Variants in NUDT6 observed in about 807,000 individuals in gnomAD.
The protein encoded by NUDT6 is FAD diphosphatase NUDT6.
In NUDT6, 24 loss-of-function variants were observed where a neutral mutation model predicts 36.8. That is an observed-to-expected ratio of 0.65 (90% CI 0.47 to 0.92). The LOEUF (loss-of-function observed/expected upper bound fraction) is 0.92. Ranked by LOEUF, NUDT6 falls within the 40% of genes least tolerant of loss-of-function variation. NUDT6 has a pLI of 0.00. For missense variants in NUDT6, 388 were observed against 392.8 expected, an observed-to-expected ratio of 0.99 and a Z score of 0.10; for synonymous variants, 163 against 157.0, an observed-to-expected ratio of 1.04 and a Z score of -0.29.
intron 1 of NUDT6, chr4:122,921,254 G>A (rs1030261758): frequency 3.3e-5 from 5 of 152,148 alleles, no homozygotes; most frequent in African/African-American, 1.2e-4. Flanking sequence ...GTATACAAAT[G>A]TGACACTCTG....
rs947594362 is a variant in NUDT6, at chr4:122,918,085, T to C, written c.239-381A>G. ...TCCTTAGGTTTAATCTTAAAGACAA[T>C]TATGGACTTCTATTTTTTTCTTCCT... On this transcript the variant is annotated intron_variant, in intron 1 of 4. Coordinates refer to ENST00000304430, the MANE Select transcript of NUDT6 (RefSeq NM_007083.5). 1.7e-5 allele frequency: 3 copies of C among 173,166 alleles called. No homozygotes were observed. In the South Asian group the frequency reaches 4.2e-4, roughly 24 times the overall value. The allele number at this position is 173,166 out of a possible 1,614,324, so 10.7% of individuals were successfully genotyped here.
intron 4 of NUDT6, chr4:122,897,405 G>A: frequency 1.8e-6 from 1 of 548,622 alleles, no homozygotes; most frequent in East Asian, 3.2e-5. Flanking sequence ...AGAATAGGTG[G>A]TATGTTCCTA....
At chr4:122,903,948 T>C (rs1216518438) in intron 3 of NUDT6, among the ~76,000 whole-genome samples, 9 of 152,190 alleles carry the variant, frequency 5.9e-5, no homozygotes, top group Admixed American at 5.9e-4. Context: ...AGCAAGAGGT[T>C]TGAGTTTTAA....
In NUDT6 at chr4:122,893,148, G is replaced by C; in HGVS notation, c.631C>G (p.Gln211Glu). 6.2e-7 allele frequency: 1 copy of C among 1,614,160 alleles called. No homozygotes were observed. The highest frequency in any genetic ancestry group is 8.5e-7 in the Non-Finnish European group (1 of 1,180,028). ...CCAAAAGCTCCAGGATTTGTGTGCT[G>C]TTGCCGAATACTCAGGACGGACCTG... ...EFRSVLSIRQ[Q>E]HTNPGAFGKS... Residue 211 changes from glutamine to glutamate, a missense_variant, in exon 5 of 5, where the codon CAG becomes GAG. Physicochemically the swap from Gln to Glu is conservative, Grantham distance 29. Coordinates refer to ENST00000304430, the MANE Select transcript of NUDT6 (RefSeq NM_007083.5).
intron 3 of NUDT6, among the ~76,000 whole-genome samples, chr4:122,900,057 A>ACACCCCCCCCCC (rs376050692): frequency 1.0e-4 from 9 of 88,716 alleles, no homozygotes; most frequent in Non-Finnish European, 1.3e-4. Flanking sequence ...CACCCCCGCC[A>ACACCCCCCCCCC]CCCCCCCCCC....
In NUDT6 at chr4:122,921,619, C is replaced by CAAACAAAAAAAA. The variant is rs1491439818; in HGVS notation, c.238+715_238+716insTTTTTTTTGTTT. On this transcript the variant is annotated intron_variant, in intron 1 of 4. Coordinates refer to ENST00000304430, the MANE Select transcript of NUDT6 (RefSeq NM_007083.5). Reference sequence around the variant, plus strand: ...TCAAAAAAAAAAAAAAAAAAAAAAACAAACTGTACATTTAAAAATAACTAA... The same window carrying CAAACAAAAAAAA: ...TCAAAAAAAAAAAAAAAAAAAAAAACAAACAAAAAAAAAAACTGTACATTTAAAAATAACTAA... The CAAACAAAAAAAA allele has an allele frequency of 5.7e-3, 271 of 47,856 alleles. 1 individual carries two copies. Among genetic ancestry groups the CAAACAAAAAAAA allele is most frequent in the African/African-American group, 0.013 (257 of 20,046 alleles). The allele number at this position is 47,856 out of a possible 1,614,324, so 3.0% of individuals were successfully genotyped here. A position where few individuals can be genotyped will look rare whatever the true frequency, so the allele number is the denominator to read the frequency against.
rs201729158 is a variant in NUDT6, at chr4:122,911,507, A to G, written c.498+1061T>C. 2.0e-5 allele frequency among the ~76,000 whole-genome samples: 3 copies of G among 152,166 alleles called. No homozygotes were observed. The East Asian group carries it at 5.8e-4, about 29-fold the overall frequency. On this transcript the variant is annotated intron_variant, in intron 3 of 4. Coordinates refer to ENST00000304430, the MANE Select transcript of NUDT6 (RefSeq NM_007083.5). The stretch of plus-strand genomic sequence containing the variant: ...GGTACAATACTACTTTAGGTGTTCT[A>G]TAAATTTCTGTTGAGGACAAAAAGC...
At chr4:122,901,031 T>G (rs1202875112) in intron 3 of NUDT6, among the ~76,000 whole-genome samples, 2 of 152,212 alleles carry the variant, frequency 1.3e-5, no homozygotes, top group African/African-American at 4.8e-5. Flanking sequence ...GATATCTCTA[T>G]GCCTCAAGTG....
rs1489064276 is a variant in NUDT6 at position 122,897,695 on chromosome 4, G to T, written c.499-17C>A. 6.4e-6 allele frequency: 10 copies of T among 1,572,774 alleles called. No individual in the cohort carries two copies. The highest frequency in any genetic ancestry group is 8.8e-6 in the Non-Finnish European group (10 of 1,142,530). Reference sequence around the variant, plus strand: ...ATTTTTCAACTGCAGTATAAAGTCAGAAAATAAAGTTAACATAACTTTCAC... The same window carrying T: ...ATTTTTCAACTGCAGTATAAAGTCATAAAATAAAGTTAACATAACTTTCAC... On this transcript the variant is annotated splice_polypyrimidine_tract_variant and intron_variant, in intron 3 of 4. Coordinates refer to ENST00000304430, the MANE Select transcript of NUDT6 (RefSeq NM_007083.5).
At chr4:122,915,279 G>C (rs1727805598) in intron 2 of NUDT6, among the ~76,000 whole-genome samples, 1 of 151,958 alleles carries the variant, frequency 6.6e-6, no homozygotes, top group Non-Finnish European at 1.5e-5. Flanking sequence ...ACCCCAGCCT[G>C]GGCAACATGG....
upstream of NUDT6, chr4:122,922,615 G>A (rs1192583829): frequency 1.3e-6 from 2 of 1,513,048 alleles, no homozygotes; most frequent in Admixed American, 1.8e-5. Context: ...TGACCCCTCC[G>A]CGCTCCAGAG....
chr4:122,893,122 C>T lies in NUDT6; in HGVS notation c.657G>A (p.Gly219=), dbSNP rs369473521. ...RQQHTNPGAF[G]KSDMYIICRL... The stretch of plus-strand genomic sequence containing the variant: ...GGCAGATGATATACATATCTGACTT[C>T]CCAAAAGCTCCAGGATTTGTGTGCT... Residue 219 remains glycine, a synonymous_variant, in exon 5 of 5, where the codon GGG becomes GGA. Coordinates refer to ENST00000304430, the MANE Select transcript of NUDT6 (RefSeq NM_007083.5). 1 of 1,614,150 alleles carries T rather than the reference C, an allele frequency of 6.2e-7. No homozygotes were observed. The highest frequency in any genetic ancestry group is 8.5e-7 in the Non-Finnish European group (1 of 1,180,026).
At chr4:122,893,411 T>G in intron 4 of NUDT6, 186 bp from the exon 5 acceptor site, 1 of 504,898 alleles carries the variant, frequency 2.0e-6, no homozygotes, top group South Asian at 4.7e-5. Flanking sequence ...CTTACCACTG[T>G]AAATTCAAGA....
intron 4 of NUDT6, chr4:122,896,207 G>A (rs1442134113): frequency 3.3e-5 from 5 of 152,162 alleles, no homozygotes; most frequent in Admixed American, 6.6e-5. Flanking sequence ...AGAAAAAAAG[G>A]TAGTGAATTT....
chr4:122,907,051 T>C (rs896417407), intron 3 of NUDT6, among the ~76,000 whole-genome samples: 5 of 152,244 alleles, frequency 3.3e-5, no homozygotes, highest in Non-Finnish European at 4.4e-5. Flanking sequence ...TTGTTTAGCA[T>C]ATACTCAAGA....
At chr4:122,905,871 T>C (rs1178851152) in intron 3 of NUDT6, among the ~76,000 whole-genome samples, 1 of 152,216 alleles carries the variant, frequency 6.6e-6, no homozygotes, top group Non-Finnish European at 1.5e-5. Context: ...TCAGTTCTGG[T>C]TGCCATCCTG....
chr4:122,905,107 T>C (rs1205821914), intron 3 of NUDT6, among the ~76,000 whole-genome samples: 13 of 152,316 alleles, frequency 8.5e-5, no homozygotes, highest in Admixed American at 7.2e-4. Flanking sequence ...TCCCTGCCCA[T>C]GTCCTGCTGA....
rs1167258062 is a variant in NUDT6 at position 122,892,668 on chromosome 4, C to T, written c.*160G>A. 18 of 1,379,892 alleles carry T rather than the reference C, an allele frequency of 1.3e-5. No homozygotes were observed. The highest frequency in any genetic ancestry group is 3.2e-5 in the South Asian group (2 of 62,490). The allele number at this position is 1,379,892 out of a possible 1,614,324, so 85.5% of individuals were successfully genotyped here. On this transcript the variant is annotated 3_prime_UTR_variant, in exon 5 of 5. Transcript: ENST00000304430. ...ATCTTTTTCACGCATTTGCTTTATTCGAAAAGAGGCTTTTAAAATGTGCAT... is the reference window on the plus strand; with the variant it reads ...ATCTTTTTCACGCATTTGCTTTATTTGAAAAGAGGCTTTTAAAATGTGCAT...
At chr4:122,915,772 C>T (rs4240267) in intron 2 of NUDT6, among the ~76,000 whole-genome samples, 138,571 of 152,204 alleles carry the variant, frequency 0.91, 63,296 homozygotes, top group East Asian at 0.96. Context: ...TAATTATTTG[C>T]ATAACTTTCC....
Sources: allele counts gnomAD v4.1 joint callset (sites outside exome capture counted in the v4.1 genomes callset), GRCh38; gene constraint gnomAD v4.1.1; transcripts MANE v1.5; gene names NCBI Gene and HGNC (gene_info 2026-07-23, HGNC 2026-07-21).